MTHFD1L: variants seen among roughly 807,000 people sequenced by gnomAD.
The protein encoded by MTHFD1L is monofunctional C1-tetrahydrofolate synthase, mitochondrial.
MTHFD1L carries 81 observed loss-of-function variants against 119.5 expected under a neutral mutation model. The ratio of observed to expected loss-of-function variants is 0.68; its 90% CI spans 0.57 to 0.82. The LOEUF is 0.82. Ranked by LOEUF, MTHFD1L falls within the 40% of genes least tolerant of loss-of-function variation. MTHFD1L has a pLI of 0.00. For synonymous variants in MTHFD1L, 430 were observed against 475.2 expected, an observed-to-expected ratio of 0.90 and a Z score of 1.24; for missense variants, 1,125 against 1,253.4, an observed-to-expected ratio of 0.90 and a Z score of 1.55.
intron 26 of MTHFD1L, chr6:151,041,727 G>A (rs368325887): frequency 2.6e-5 from 13 of 499,368 alleles, no homozygotes; most frequent in Admixed American, 1.1e-4. Context: ...CACAGAATGC[G>A]GCGGGCTTTA....
intron 11 of MTHFD1L, among the ~76,000 whole-genome samples, chr6:150,929,086 C>T (rs1228633922): frequency 6.6e-6 from 1 of 152,132 alleles, no homozygotes; most frequent in African/African-American, 2.4e-5. Context: ...GGGTTGGCTC[C>T]ACCTGCAGGC....
chr6:150,881,564 A>G (rs1424278121), intron 4 of MTHFD1L, among the ~76,000 whole-genome samples: 1 of 152,110 alleles, frequency 6.6e-6, no homozygotes. Flanking sequence ...TCCTCGCTTC[A>G]TTCTGGTCTC....
intron 18 of MTHFD1L, among the ~76,000 whole-genome samples, chr6:150,963,519 A>G (rs58283659): frequency 0.014 from 2,133 of 152,216 alleles, 21 homozygotes; most frequent in South Asian, 0.036. Flanking sequence ...TAAGGAAGAA[A>G]ATAGATTGGA....
intron 26 of MTHFD1L, among the ~76,000 whole-genome samples, chr6:151,053,936 CTT>C (rs1482328425): frequency 1.3e-5 from 2 of 151,206 alleles, no homozygotes; most frequent in Admixed American, 6.6e-5. Flanking sequence ...CGGTAACTGA[CTT>C]TTTGTTAAAG....
intron 24 of MTHFD1L, among the ~76,000 whole-genome samples, chr6:151,025,567 G>A (rs1305241854): frequency 6.6e-6 from 1 of 152,132 alleles, no homozygotes; most frequent in East Asian, 1.9e-4. Context: ...CTGTGTATCC[G>A]GAAATGTCTA....
intron 11 of MTHFD1L, among the ~76,000 whole-genome samples, chr6:150,929,484 A>G (rs1231948614): frequency 1.3e-5 from 2 of 152,204 alleles, no homozygotes; most frequent in African/African-American, 4.8e-5. Flanking sequence ...CCAGATATGG[A>G]TGGCTCTGAC....
chr6:150,889,613 C>T (rs970714433), intron 7 of MTHFD1L, among the ~76,000 whole-genome samples: 5 of 152,168 alleles, frequency 3.3e-5, no homozygotes, highest in African/African-American at 1.2e-4. Context: ...AAAATGGACA[C>T]ATGACAGACC....
At chr6:150,944,363 G>A in intron 13 of MTHFD1L, 123 bp from the exon 14 acceptor site, 3 of 700,994 alleles carry the variant, frequency 4.3e-6, no homozygotes, top group Non-Finnish European at 7.5e-6. Flanking sequence ...TGAGAGGATT[G>A]CTTGAGCCCA....
intron 16 of MTHFD1L, among the ~76,000 whole-genome samples, chr6:150,950,888 G>A (rs898949110): frequency 6.6e-6 from 1 of 151,648 alleles, no homozygotes; most frequent in Non-Finnish European, 1.5e-5. Context: ...AGGCTGGTCT[G>A]GAACTCCTGA....
intron 19 of MTHFD1L, among the ~76,000 whole-genome samples, chr6:150,969,949 G>A (rs1446758573): frequency 3.3e-5 from 5 of 152,190 alleles, no homozygotes; most frequent in African/African-American, 9.7e-5. Context: ...ATTTGCAGAC[G>A]TGAACTCTTG....
chr6:151,022,227 CT>C (rs2128504670), intron 24 of MTHFD1L: 1 of 316,932 alleles, frequency 3.2e-6, no homozygotes, highest in South Asian at 2.6e-5. Flanking sequence ...CTGGTTGGTT[CT>C]TAAGAAATTA....
chr6:150,904,265 G>A (rs1785524174), intron 7 of MTHFD1L, among the ~76,000 whole-genome samples: 1 of 152,198 alleles, frequency 6.6e-6, no homozygotes, highest in Non-Finnish European at 1.5e-5. Context: ...CACTGGGGAT[G>A]CTTTTGTGTG....
chr6:150,944,945 C>T (rs1200673910), intron 14 of MTHFD1L, among the ~76,000 whole-genome samples: 1 of 152,156 alleles, frequency 6.6e-6, no homozygotes, highest in African/African-American at 2.4e-5. Flanking sequence ...GGACAGATGT[C>T]GTTTTAAGAC....
intron 26 of MTHFD1L, among the ~76,000 whole-genome samples, chr6:151,043,546 C>T (rs1159447797): frequency 6.6e-6 from 1 of 152,050 alleles, no homozygotes; most frequent in African/African-American, 2.4e-5. Flanking sequence ...TTTTTTAAAA[C>T]AACAATGCAT....
At chr6:150,956,101 T>C (rs775156399) in intron 17 of MTHFD1L, 30 bp downstream of exon 17, 2 of 1,595,408 alleles carry the variant, frequency 1.3e-6, no homozygotes, top group Non-Finnish European at 1.7e-6. Flanking sequence ...CGGGTGTGGC[T>C]CTGTTCTTAC....
intron 24 of MTHFD1L, among the ~76,000 whole-genome samples, chr6:151,019,135 T>C (rs1783574517): frequency 6.6e-6 from 1 of 152,206 alleles, no homozygotes; most frequent in African/African-American, 2.4e-5. Context: ...CCAGGGTACC[T>C]ACAACCCTTG....
Position 150,926,288 on chromosome 6 carries a change from G to A in MTHFD1L, c.1249G>A (p.Val417Ile), listed in dbSNP as rs1374057224. The change falls in exon 11 of 28, where the codon GTT (valine) becomes ATT (isoleucine). Residue 417 changes from valine (V) to isoleucine (I), a missense_variant. By Grantham distance (29) the Val-to-Ile change is conservative (BLOSUM62 3). Around this residue, in one of 3 missense-constraint regions of MTHFD1L, gnomAD observed 1,058 missense variants for 1,151.2 expected, o/e 0.92. Transcript: ENST00000367321. This position sits in a 1 kb window ranked among gnomAD's most constrained non-coding sequence, Gnocchi z 4.3. ...KDQADGKYVL[V>I]AGITPTPLGE... is the part of the protein sequence containing the mutation. ...TCAAGCAGATGGAAAATACGTCTTA[G>A]TTGCTGGGTAAGACACCATCTAACA... The A allele has an allele frequency of 1.9e-6, 3 of 1,610,918 alleles. No homozygotes were observed. Among genetic ancestry groups the A allele is most frequent in the South Asian group, 2.2e-5 (2 of 90,820 alleles).
intron 26 of MTHFD1L, among the ~76,000 whole-genome samples, chr6:151,052,564 G>A (rs896975490): frequency 6.6e-6 from 1 of 152,164 alleles, no homozygotes; most frequent in East Asian, 1.9e-4. Flanking sequence ...CATTCCAGAC[G>A]GCAGTGGGCA....
intron 26 of MTHFD1L, among the ~76,000 whole-genome samples, chr6:151,083,717 A>G (rs1020676658): frequency 6.6e-6 from 1 of 152,100 alleles, no homozygotes; most frequent in Non-Finnish European, 1.5e-5. Flanking sequence ...TAAATATGTT[A>G]CTTTGACTAA....
Sources: gnomAD v4.1 joint callset for allele counts (sites outside exome capture counted in the v4.1 genomes callset) on GRCh38, gnomAD v4.1.1 for gene constraint, gnomAD v4.1.1 regional missense constraint, Gnocchi (gnomAD v3.1) non-coding constraint, MANE v1.5 for transcripts, NCBI Gene and HGNC (gene_info 2026-07-23, HGNC 2026-07-21) for gene names.